The following PXDNL variants were observed in gnomAD, a reference collection of about 807,000 sequenced individuals.
The protein encoded by PXDNL is peroxidasin like, also known as probable oxidoreductase PXDNL.
Under a neutral mutation model 150.8 loss-of-function variants are expected in PXDNL, and 145 were observed. The observed-to-expected ratio is 0.96, with a 90% CI of 0.84 to 1.10. PXDNL has a LOEUF of 1.10. Among genes scored for constraint, PXDNL ranks in the 50% least tolerant of loss-of-function variants. The pLI is 0.00. For synonymous variants in PXDNL, 757 were observed against 725.7 expected, an observed-to-expected ratio of 1.04 and a Z score of -0.69; for missense variants, 2,087 against 1,873.9, an observed-to-expected ratio of 1.11 and a Z score of -2.10.
chr8:51,480,092 G>T (rs959104942), intron 6 of PXDNL, among the ~76,000 whole-genome samples: 1 of 152,140 alleles, frequency 6.6e-6, no homozygotes, highest in African/African-American at 2.4e-5. Flanking sequence ...GGCACAAATA[G>T]GGGCCTGGAT....
At chr8:51,537,048 AGG>A (rs1227239847) in intron 4 of PXDNL, among the ~76,000 whole-genome samples, 1 of 152,244 alleles carries the variant, frequency 6.6e-6, no homozygotes, top group East Asian at 1.9e-4. Context: ...TTGTTAGGCA[AGG>A]TTTGTAGACA....
At chr8:51,707,470 G>A (rs746486150) in intron 1 of PXDNL, among the ~76,000 whole-genome samples, 5 of 152,078 alleles carry the variant, frequency 3.3e-5, no homozygotes, top group Non-Finnish European at 7.4e-5. Context: ...AAATTTTCTT[G>A]TATTTTTGTG....
chr8:51,505,890 A>G (rs547317729), intron 4 of PXDNL, among the ~76,000 whole-genome samples: 1 of 152,382 alleles, frequency 6.6e-6, no homozygotes, highest in African/African-American at 2.4e-5. Flanking sequence ...AGATTAAAAT[A>G]GGCACGCTTT....
intron 8 of PXDNL, among the ~76,000 whole-genome samples, chr8:51,460,388 G>A (rs1480557059): frequency 6.9e-6 from 1 of 145,456 alleles, no homozygotes; most frequent in African/African-American, 2.6e-5. Context: ...ATTTAGAATG[G>A]CCTAAATTTC....
chr8:51,387,485 TGAGA>T (rs994725357), intron 17 of PXDNL, among the ~76,000 whole-genome samples: 1 of 152,146 alleles, frequency 6.6e-6, no homozygotes, highest in African/African-American at 2.4e-5. Context: ...GAAAAAATCC[TGAGA>T]GAGTTTAGTA....
intron 3 of PXDNL, among the ~76,000 whole-genome samples, chr8:51,578,000 AGGAAGGAAGGAAGG>A (rs1178944178): frequency 3.9e-5 from 1 of 25,502 alleles, no homozygotes; most frequent in Admixed American, 4.4e-4. Context: ...AGAAAGAAAG[AGGAAGGAAGGAAGG>A]AAGGAAGGAA....
In PXDNL at chr8:51,446,805, T is replaced by C. The variant is rs182267122; in HGVS notation, c.1525+199A>G. ...TTAAGGAAAACATAATCATAATTAG[T>C]ATGAATGAAAATAGAATTCTAAAAA... On this transcript the variant is annotated intron_variant, in intron 12 of 22. Transcript: ENST00000356297. Among the ~76,000 whole-genome samples the C allele has an allele frequency of 5.0e-4, 76 of 152,210 alleles. 1 individual carries two copies. The highest frequency in any genetic ancestry group is 4.4e-3 in the Admixed American group (67 of 15,290).
At chr8:51,588,841 C>T (rs1813381260) in intron 3 of PXDNL, among the ~76,000 whole-genome samples, 1 of 152,038 alleles carries the variant, frequency 6.6e-6, no homozygotes, top group Admixed American at 6.6e-5. Flanking sequence ...TTTGCACACC[C>T]CCAAAGTTTG....
intron 9 of PXDNL, among the ~76,000 whole-genome samples, chr8:51,457,274 A>C (rs540902089): frequency 6.6e-6 from 1 of 152,356 alleles, no homozygotes; most frequent in East Asian, 1.9e-4. Context: ...CAAAAGGAGA[A>C]TAGAAAAGTC....
At chr8:51,569,985 A>G (rs1338710139) in intron 3 of PXDNL, among the ~76,000 whole-genome samples, 1 of 151,988 alleles carries the variant, frequency 6.6e-6, no homozygotes, top group Non-Finnish European at 1.5e-5. Flanking sequence ...GCCCGGGATC[A>G]CTGCGAAGCT....
intron 1 of PXDNL, among the ~76,000 whole-genome samples, chr8:51,687,449 A>C (rs895031437): frequency 6.6e-6 from 1 of 152,254 alleles, no homozygotes; most frequent in African/African-American, 2.4e-5. Context: ...AAGTAAACCT[A>C]GCAGAAAGTG....
rs139404124 is a variant in PXDNL, at chr8:51,349,307, A to G, written c.3902-3360T>C. On this transcript the variant is annotated intron_variant, in intron 19 of 22. Transcript: ENST00000356297. ...GGTGAAACAAGGTTCTTCCCTATGC[A>G]GCACCTTCTTGCCTCTCCAGTCTCA... is the stretch of plus-strand genomic sequence containing the variant. Among the ~76,000 whole-genome samples the G allele has an allele frequency of 1.8e-3, 269 of 152,270 alleles. 1 individual carries two copies. Among genetic ancestry groups the G allele is most frequent in the African/African-American group, 6.2e-3 (258 of 41,548 alleles).
At chr8:51,499,852 C>T (rs528202868) in intron 4 of PXDNL, 82 bp from the exon 5 acceptor site, 18 of 894,408 alleles carry the variant, frequency 2.0e-5, no homozygotes, top group South Asian at 1.4e-5. Flanking sequence ...ATTGCTTCAG[C>T]TGAAATTATG....
chr8:51,618,790 A>G (rs1814180135), intron 2 of PXDNL, among the ~76,000 whole-genome samples: 1 of 152,212 alleles, frequency 6.6e-6, no homozygotes, highest in Admixed American at 6.5e-5. Context: ...GAGAAACATA[A>G]TAACACCTTC....
chr8:51,422,312 C>T (rs1006383340), intron 14 of PXDNL, among the ~76,000 whole-genome samples: 2 of 152,080 alleles, frequency 1.3e-5, no homozygotes, highest in African/African-American at 4.8e-5. Context: ...AAGCCATCTC[C>T]CCACCCCGGT....
intron 20 of PXDNL, among the ~76,000 whole-genome samples, chr8:51,343,218 G>T (rs1806042325): frequency 6.6e-6 from 1 of 152,024 alleles, no homozygotes; most frequent in African/African-American, 2.4e-5. Flanking sequence ...GAGGATAAGT[G>T]CAAGTAAAAT....
chr8:51,752,896 T>C (rs2037060070), intron 1 of PXDNL, among the ~76,000 whole-genome samples: 2 of 152,220 alleles, frequency 1.3e-5, no homozygotes, highest in African/African-American at 4.8e-5. Flanking sequence ...TGAGCATCCA[T>C]GGGGCATACC....
At chr8:51,765,529 T>C (rs1457252321) in intron 1 of PXDNL, among the ~76,000 whole-genome samples, 1 of 152,222 alleles carries the variant, frequency 6.6e-6, no homozygotes, top group African/African-American at 2.4e-5. Flanking sequence ...TATTTGTGTC[T>C]TTGAAGCCAA....
intron 1 of PXDNL, among the ~76,000 whole-genome samples, chr8:51,769,442 A>T (rs1040163154): frequency 6.6e-6 from 1 of 152,172 alleles, no homozygotes; most frequent in African/African-American, 2.4e-5. Context: ...GATGGGATTA[A>T]CCTTTAGCTT....
Sources: gnomAD v4.1 joint callset for allele counts (sites outside exome capture counted in the v4.1 genomes callset) on GRCh38, gnomAD v4.1.1 for gene constraint, MANE v1.5 for transcripts, NCBI Gene and HGNC (gene_info 2026-07-23, HGNC 2026-07-21) for gene names.